MTRR: variants seen among roughly 807,000 people sequenced by gnomAD.
MTRR encodes the protein 5-methyltetrahydrofolate-homocysteine methyltransferase reductase, also known as methionine synthase reductase.
Under a neutral mutation model 79.2 loss-of-function variants are expected in MTRR, and 63 were observed. The ratio of observed to expected loss-of-function variants is 0.80; its 90% CI spans 0.65 to 0.98. The LOEUF is 0.98. MTRR is among the 50% of genes least tolerant of loss of function. MTRR has a pLI of 0.00. For missense variants in MTRR, 895 were observed against 839.6 expected (o/e 1.07, Z -0.82); for synonymous variants, 355 against 313.3 (o/e 1.13, Z -1.41).
intron 2 of MTRR, chr5:7,872,161 C>T (rs1302415008): frequency 2.4e-6 from 1 of 415,806 alleles, no homozygotes; most frequent in Non-Finnish European, 4.7e-6. Flanking sequence ...GTTTAACACA[C>T]AACTTACATA....
rs532268921 is a variant in MTRR, at chr5:7,886,879, A to C, written c.1146+176A>C. 3.7e-4 allele frequency among the ~76,000 whole-genome samples: 57 copies of C among 152,314 alleles called. No individual in the cohort carries two copies. In the South Asian group the frequency reaches 5.6e-3, roughly 15 times the overall value. The stretch of plus-strand genomic sequence containing the variant: ...CTATCATCGTAACTATCATCTATGA[A>C]TCTTTTTATGTTGTATTTGCATTTA... On this transcript the variant is annotated intron_variant, in intron 8 of 14. Transcript: ENST00000440940.
At chr5:7,871,508 T>C (rs6872300) in intron 2 of MTRR, among the ~76,000 whole-genome samples, 2,526 of 152,290 alleles carry the variant, frequency 0.017, 71 homozygotes, top group African/African-American at 0.058. Flanking sequence ...GCCTCCAGAT[T>C]ATACTATTTC....
At chr5:7,860,322 TA>T (rs1253810294) in intron 1 of MTRR, among the ~76,000 whole-genome samples, 1 of 152,216 alleles carries the variant, frequency 6.6e-6, no homozygotes, top group Non-Finnish European at 1.5e-5. Context: ...AGCCCTCACA[TA>T]AGACCTTCTT....
At chr5:7,874,588 C>CTTTTT (rs5865743) in intron 3 of MTRR, among the ~76,000 whole-genome samples, 97 of 108,166 alleles carry the variant, frequency 9.0e-4, no homozygotes, top group South Asian at 8.5e-3. Flanking sequence ...GGGATTTAAG[C>CTTTTT]TTTTTTTTTT....
At position 7,896,844 on chromosome 5, in the gene MTRR, C is replaced by CTT. The variant is rs746262908; in HGVS notation, c.1677-10_1677-9dup. The CTT allele has an allele frequency of 8.1e-6, 10 of 1,237,296 alleles. No homozygotes were observed. The highest frequency in any genetic ancestry group is 1.0e-5 in the Non-Finnish European group (9 of 890,102). The allele number at this position is 1,237,296 out of a possible 1,614,324, so 76.6% of individuals were successfully genotyped here. The stretch of plus-strand genomic sequence containing the variant: ...ATATTCTTTATATCACACACCTAAA[C>CTT]TTTTTTTTTTTCCACTTAGAGAGAA... On this transcript the variant is annotated intron_variant, in intron 12 of 14. Coordinates refer to ENST00000440940, the MANE Select transcript of MTRR (RefSeq NM_002454.3).
At chr5:7,892,150 G>A (rs1213298162) in intron 10 of MTRR, among the ~76,000 whole-genome samples, 1 of 152,124 alleles carries the variant, frequency 6.6e-6, no homozygotes, top group African/African-American at 2.4e-5. Flanking sequence ...TCTCTGTTTT[G>A]CCTTTCAGTA....
chr5:7,869,522 A>T (rs1301312244), intron 1 of MTRR: 3 of 363,396 alleles, frequency 8.3e-6, no homozygotes, highest in African/African-American at 6.7e-5. Flanking sequence ...GGCCTAGGGA[A>T]ACCGCACTCG....
intron 7 of MTRR, among the ~76,000 whole-genome samples, chr5:7,886,197 C>A (rs1736395964): frequency 6.6e-6 from 1 of 151,886 alleles, no homozygotes; most frequent in Admixed American, 6.6e-5. Flanking sequence ...TTTGTTTTTG[C>A]TCATTTATTA....
At chr5:7,883,805 A>G (rs1427197906) in intron 6 of MTRR, among the ~76,000 whole-genome samples, 2 of 152,208 alleles carry the variant, frequency 1.3e-5, no homozygotes, top group Admixed American at 1.3e-4. Flanking sequence ...TGAAAGAATA[A>G]TGGGATCAGA....
chr5:7,868,136 TTAAATACATTGAGAAC>T (rs1424626026), upstream of MTRR: 36 of 1,209,124 alleles, frequency 3.0e-5, no homozygotes, highest in Non-Finnish European at 4.2e-5. Context: ...AAACACATGG[TTAAATACATTGAGAAC>T]ATGATTGACC....
rs184415775 is a variant in MTRR, at chr5:7,883,065, G to A, written c.781-90G>A. 25 of 1,571,024 alleles carry A rather than the reference G, an allele frequency of 1.6e-5. No homozygotes were observed. In the Admixed American group the frequency reaches 4.0e-4, roughly 25 times the overall value. Reference sequence around the variant, plus strand: ...GAATACTGAGTAGCCAGGAAGTTTTGTAAGCCCCTGTGGATCTTGCGTAGT... The same window carrying A: ...GAATACTGAGTAGCCAGGAAGTTTTATAAGCCCCTGTGGATCTTGCGTAGT... On this transcript the variant is annotated intron_variant, in intron 5 of 14. Transcript: ENST00000440940.
chr5:7,893,025 G>T (rs1737894059), intron 11 of MTRR, 112 bp downstream of exon 11: 3 of 1,275,892 alleles, frequency 2.4e-6, no homozygotes, highest in Admixed American at 4.1e-5. Context: ...GAAAATTTAT[G>T]CTGTTCTTGA....
In MTRR at chr5:7,897,205, C is replaced by A. The variant is rs764159535; in HGVS notation, c.1910C>A (p.Ala637Glu). ...DNIQLHGQQV[A>E]RILLQENGHI... ...ATCCAGCTTCATGGCCAGCAGGTGG[C>A]GAGAATCCTCCTCCAGGAGAACGGC... Residue 637 changes from alanine to glutamate, a missense_variant, in exon 14 of 15, where the codon GCG (alanine) becomes GAG (glutamate). Physicochemically the swap from Ala to Glu is moderately radical, Grantham distance 107 (BLOSUM62 -1). Coordinates refer to ENST00000440940, the MANE Select transcript of MTRR (RefSeq NM_002454.3). The A allele has an allele frequency of 1.2e-5, 20 of 1,613,886 alleles. No individual in the cohort carries two copies. The highest frequency in any genetic ancestry group is 1.7e-5 in the Admixed American group (1 of 59,994).
chr5:7,865,982 AC>A, upstream of MTRR: 3 of 1,613,256 alleles, frequency 1.9e-6, no homozygotes, highest in Non-Finnish European at 1.7e-6. Flanking sequence ...GAGATTCTTT[AC>A]CTGAAACAGA....
At position 7,889,103 on chromosome 5, in the gene MTRR, G is replaced by A. The variant is rs2287779; in HGVS notation, c.1155G>A (p.Leu385=). 0.04 allele frequency: 64,057 copies of A among 1,613,972 alleles called. 2,193 individuals are homozygous for A. The highest frequency in any genetic ancestry group is 0.18 in the East Asian group (7,853 of 44,836). ...CGGGCTCCTTTTTGTAGGCATTTTT[G>A]CGAGCCCTTGTGGACTATACCAGTG... ...EIRAIPKKAF[L]RALVDYTSDS... is the part of the protein sequence containing the mutation. Residue 385 remains leucine (L), a synonymous_variant, in exon 9 of 15, where the codon TTG becomes TTA. Coordinates refer to ENST00000440940, the MANE Select transcript of MTRR (RefSeq NM_002454.3).
chr5:7,888,049 G>A (rs1210630135), intron 8 of MTRR, among the ~76,000 whole-genome samples: 1 of 151,520 alleles, frequency 6.6e-6, no homozygotes, highest in African/African-American at 2.4e-5. Flanking sequence ...AGTTTTAATG[G>A]ATACTATGGA....
rs558226692 is a variant in MTRR, at chr5:7,875,038, G to A, written c.284-220G>A. The stretch of plus-strand genomic sequence containing the variant: ...CTTTTCTTTCAACAGCGGCCAATAA[G>A]TATTTTGTTTCATTATATCTGCTAC... On this transcript the variant is annotated intron_variant, in intron 3 of 14. Transcript: ENST00000440940. 2.0e-5 allele frequency: 11 copies of A among 543,522 alleles called. No individual in the cohort carries two copies. The South Asian group carries it at 2.4e-4, about 12-fold the overall frequency. 33.7% of individuals were successfully genotyped at this position (543,522 alleles called of 1,614,324 possible).
intron 5 of MTRR, among the ~76,000 whole-genome samples, chr5:7,881,642 T>C (rs1031733659): frequency 1.3e-5 from 2 of 152,204 alleles, no homozygotes; most frequent in Non-Finnish European, 2.9e-5. Flanking sequence ...TTCACTGTCA[T>C]GGGCTGCATG....
intron 1 of MTRR, among the ~76,000 whole-genome samples, chr5:7,860,792 T>C (rs553455858): frequency 6.6e-6 from 1 of 152,340 alleles, no homozygotes; most frequent in Admixed American, 6.5e-5. Context: ...GGCTATTTCT[T>C]GTAGAAGCTT....
Sources: gnomAD v4.1 joint callset for allele counts (sites outside exome capture counted in the v4.1 genomes callset) on GRCh38, gnomAD v4.1.1 for gene constraint, MANE v1.5 for transcripts, NCBI Gene and HGNC (gene_info 2026-07-23, HGNC 2026-07-21) for gene names.